VASP: variants seen among roughly 807,000 people sequenced by gnomAD.
The protein encoded by VASP is vasodilator stimulated phosphoprotein.
Under a neutral mutation model 54.4 loss-of-function variants are expected in VASP, and 27 were observed. That is an observed-to-expected ratio of 0.50 (90% CI 0.37 to 0.68). The LOEUF is 0.68. VASP is among the 30% of genes least tolerant of loss of function. The pLI, the probability that VASP is intolerant of heterozygous loss-of-function variation, is 0.00. For synonymous variants in VASP, 233 were observed against 209.8 expected (o/e 1.11, Z -0.96); for missense variants, 488 against 528.3 (o/e 0.92, Z 0.75).
intron 7 of VASP, 120 bp downstream of exon 7, chr19:45,522,938 C>T: frequency 9.3e-7 from 1 of 1,080,016 alleles, no homozygotes; most frequent in African/African-American, 1.7e-5. Flanking sequence ...CCTTTGATAA[C>T]CAGGTTTGGG....
rs757586699 is a variant in VASP, at chr19:45,517,656, C to A, written c.6-7C>A. 9 of 1,605,450 alleles carry A rather than the reference C, an allele frequency of 5.6e-6. No homozygotes were observed. The South Asian group carries it at 9.9e-5, about 18-fold the overall frequency. Reference sequence around the variant, plus strand: ...CCGGCCCCTCTCCCTTTTCCTCCCGCCTGCAGCGAGACGGTCATCTGTTCC... The same window carrying A: ...CCGGCCCCTCTCCCTTTTCCTCCCGACTGCAGCGAGACGGTCATCTGTTCC... On this transcript the variant is annotated splice_polypyrimidine_tract_variant and splice_region_variant and intron_variant, in intron 1 of 12. Coordinates refer to ENST00000245932, the MANE Select transcript of VASP (RefSeq NM_003370.4).
chr19:45,525,293 G>C (rs974292851), intron 11 of VASP, among the ~76,000 whole-genome samples: 2 of 152,192 alleles, frequency 1.3e-5, no homozygotes, highest in African/African-American at 4.8e-5. Flanking sequence ...GCCAGGTGCG[G>C]TGGCTCATGC....
chr19:45,522,412 C>A lies in VASP; in HGVS notation c.551C>A (p.Pro184Gln), dbSNP rs554683036. Residue 184 changes from proline to glutamine, a missense_variant, in exon 6 of 13, where the codon CCA becomes CAA. By Grantham distance (76) the Pro-to-Gln change is moderately conservative. Transcript: ENST00000245932. ...PGPPPPPGPP[P>Q]PPGLPPSGVP... ...CCTCCCCCTCCTCCAGGTCCCCCCC[C>A]ACCCCCAGGTTTGCCCCCTTCGGGG... 26 of 1,531,814 alleles carry A rather than the reference C, an allele frequency of 1.7e-5. No individual in the cohort carries two copies. The highest frequency in any genetic ancestry group is 2.1e-5 in the Non-Finnish European group (24 of 1,137,434). The allele number at this position is 1,531,814 out of a possible 1,614,324, so 94.9% of individuals were successfully genotyped here.
chr19:45,511,143 AAAG>A (rs909237628), intron 1 of VASP, among the ~76,000 whole-genome samples: 2 of 152,086 alleles, frequency 1.3e-5, no homozygotes, highest in Admixed American at 6.6e-5. Context: ...ATCCCCGACA[AAAG>A]AAGATTTGTC....
chr19:45,524,559 A>G lies in VASP; in HGVS notation c.957-11A>G. On this transcript the variant is annotated splice_polypyrimidine_tract_variant and intron_variant, in intron 10 of 12. Transcript: ENST00000245932. ...TCTCATTGCTGTCCCAAACCACACC[A>G]ACTCCCCCAGGATGAAGTCGTCTTC... is the stretch of plus-strand genomic sequence containing the variant. The G allele has an allele frequency of 6.2e-7, 1 of 1,613,478 alleles. No individual in the cohort carries two copies. The highest frequency in any genetic ancestry group is 8.5e-7 in the Non-Finnish European group (1 of 1,179,726).
intron 1 of VASP, among the ~76,000 whole-genome samples, chr19:45,514,389 T>A (rs536285880): frequency 4.7e-5 from 5 of 106,914 alleles, no homozygotes; most frequent in Non-Finnish European, 9.6e-5. Context: ...TTTGTTAGTT[T>A]GTTTTGTTTT....
At chr19:45,508,143 G>C (rs538286070) in intron 1 of VASP, among the ~76,000 whole-genome samples, 66 of 152,050 alleles carry the variant, frequency 4.3e-4, no homozygotes, top group Admixed American at 1.8e-3. Flanking sequence ...CCAGACTTCA[G>C]CTCGAGGTCC....
Position 45,522,806 on chromosome 19 carries a change from T to C in VASP, c.809T>C (p.Met270Thr), listed in dbSNP as rs1285597977. Reference sequence around the variant, plus strand: ...GGACTCATGGAAGAGATGAACGCCATGCTGGCCCGGAGGTGAGCCTGAGCC... The same window carrying C: ...GGACTCATGGAAGAGATGAACGCCACGCTGGCCCGGAGGTGAGCCTGAGCC... ...GGGLMEEMNAMLARRRKATQV... is the reference protein window; with the variant it reads ...GGGLMEEMNATLARRRKATQV... The change falls in exon 7 of 13, where the codon ATG (methionine) becomes ACG (threonine). Residue 270 changes from methionine to threonine, a missense_variant. Physicochemically the swap from Met to Thr is moderately conservative, Grantham distance 81. Coordinates refer to ENST00000245932, the MANE Select transcript of VASP (RefSeq NM_003370.4). The C allele has an allele frequency of 6.2e-7, 1 of 1,606,230 alleles. No homozygotes were observed. The highest frequency in any genetic ancestry group is 8.5e-7 in the Non-Finnish European group (1 of 1,177,390).
chr19:45,517,641 T>C (rs1599933176), intron 1 of VASP, 22 bp from the exon 2 acceptor site: 9 of 1,600,188 alleles, frequency 5.6e-6, no homozygotes, highest in African/African-American at 1.3e-5. Flanking sequence ...CCGGCCCCTC[T>C]CCCTTTTCCT....
At chr19:45,522,241 G>A in intron 5 of VASP, 24 bp downstream of exon 5, 1 of 1,614,212 alleles carries the variant, frequency 6.2e-7, no homozygotes, top group Non-Finnish European at 8.5e-7. Flanking sequence ...AGCTTCGGGA[G>A]TTGGGAGGGG....
chr19:45,526,181 C>A lies in VASP; in HGVS notation c.*4C>A. 6.2e-7 allele frequency: 1 copy of A among 1,607,970 alleles called. No individual in the cohort carries two copies. The highest frequency in any genetic ancestry group is 1.1e-5 in the South Asian group (1 of 90,106). The stretch of plus-strand genomic sequence containing the variant: ...GAGGAAGCGGGGTTCTCCCTGACCA[C>A]AGGGACCCAGAAGACCCGCTTCTCC... On this transcript the variant is annotated 3_prime_UTR_variant, in exon 13 of 13. Transcript: ENST00000245932.
Position 45,517,823 on chromosome 19 carries a change from C to A in VASP, c.166C>A (p.Pro56Thr), listed in dbSNP as rs1250389780. 1 of 1,613,380 alleles carries A rather than the reference C, an allele frequency of 6.2e-7. No homozygotes were observed. The change falls in exon 2 of 13, where the codon CCC becomes ACC. Residue 56 changes from proline (P) to threonine (T), a missense_variant. Around this residue, in one of 4 missense-constraint regions of VASP, gnomAD observed 127 missense variants for 170.7 expected, o/e 0.74. Coordinates refer to ENST00000245932, the MANE Select transcript of VASP (RefSeq NM_003370.4). ...TCGCGTCGTGGGCCGGAAGATGCAG[C>A]CCGACCAGCAGGTGCAGCTTCCCGC... is the stretch of plus-strand genomic sequence containing the variant. Reference protein sequence around the residue: ...SFRVVGRKMQPDQQVVINCAI... With the variant: ...SFRVVGRKMQTDQQVVINCAI...
At chr19:45,513,470 T>C (rs1336184673) in intron 1 of VASP, among the ~76,000 whole-genome samples, 12 of 39,248 alleles carry the variant, frequency 3.1e-4, no homozygotes, top group South Asian at 1.1e-3. Context: ...TCTCTCTCCT[T>C]TTTTTTTTTT....
chr19:45,518,856 G>C (rs1386592648), intron 3 of VASP, among the ~76,000 whole-genome samples: 1 of 152,038 alleles, frequency 6.6e-6, no homozygotes, highest in Non-Finnish European at 1.5e-5. Flanking sequence ...TTTTGAGACA[G>C]AGTCTTGCTC....
intron 1 of VASP, among the ~76,000 whole-genome samples, chr19:45,515,667 G>A (rs894066489): frequency 6.6e-6 from 1 of 152,170 alleles, no homozygotes; most frequent in Admixed American, 6.6e-5. Context: ...CTCCTGAGTA[G>A]CTCAGACTAC....
intron 1 of VASP, among the ~76,000 whole-genome samples, chr19:45,512,612 G>A (rs1350339230): frequency 7.7e-6 from 1 of 129,452 alleles, no homozygotes; most frequent in Non-Finnish European, 1.7e-5. Flanking sequence ...GTTTGTTTTT[G>A]TTTTTGAGAC....
Position 45,507,825 on chromosome 19 carries a change from G to C in VASP, c.5+49G>C, listed in dbSNP as rs1968518174. On this transcript the variant is annotated intron_variant, in intron 1 of 12. Coordinates refer to ENST00000245932, the MANE Select transcript of VASP (RefSeq NM_003370.4). The surrounding 1 kb of genome is among the most constrained non-coding windows in gnomAD (Gnocchi z 4.4). ...CCGTCCCCGCCCGGGCGGGCTCCGCGCCCCGCCTTTGTCCCCCTCCCCCCC... is the reference window on the plus strand; with the variant it reads ...CCGTCCCCGCCCGGGCGGGCTCCGCCCCCCGCCTTTGTCCCCCTCCCCCCC... The C allele has an allele frequency of 1.6e-6, 2 of 1,279,804 alleles. No homozygotes were observed. The highest frequency in any genetic ancestry group is 2.0e-6 in the Non-Finnish European group (2 of 999,018). The allele number at this position is 1,279,804 out of a possible 1,614,324, so 79.3% of individuals were successfully genotyped here.
intron 1 of VASP, among the ~76,000 whole-genome samples, chr19:45,508,671 C>T (rs370893218): frequency 6.6e-6 from 1 of 152,318 alleles, no homozygotes; most frequent in African/African-American, 2.4e-5. Context: ...GCCCCTCCCC[C>T]TTTGCTCACC....
intron 1 of VASP, among the ~76,000 whole-genome samples, chr19:45,515,712 C>T (rs534504136): frequency 2.0e-5 from 3 of 152,048 alleles, no homozygotes; most frequent in South Asian, 2.1e-4. Flanking sequence ...AATCTTTGTA[C>T]GTTTTTGTAG....
Sources: gnomAD v4.1 joint callset for allele counts (sites outside exome capture counted in the v4.1 genomes callset) on GRCh38, gnomAD v4.1.1 for gene constraint, gnomAD v4.1.1 regional missense constraint, Gnocchi (gnomAD v3.1) non-coding constraint, MANE v1.5 for transcripts, NCBI Gene and HGNC (gene_info 2026-07-23, HGNC 2026-07-21) for gene names.